GLIPR1: variants seen among roughly 807,000 people sequenced by gnomAD.
The protein encoded by GLIPR1 is GLI pathogenesis related 1.
In GLIPR1, 38 loss-of-function variants were observed where a neutral mutation model predicts 30.3. That is an observed-to-expected ratio of 1.26 (90% CI 0.97 to 1.65). GLIPR1 has a LOEUF of 1.65. GLIPR1 is among the 40% of genes most tolerant of loss of function. GLIPR1 has a pLI of 0.00. For synonymous variants in GLIPR1, 122 were observed against 110.6 expected (o/e 1.10, Z -0.65); for missense variants, 285 against 326.5 (o/e 0.87, Z 0.98).
At chr12:75,490,157 T>C (rs2046312984) in intron 2 of GLIPR1, among the ~76,000 whole-genome samples, 1 of 151,038 alleles carries the variant, frequency 6.6e-6, no homozygotes, top group African/African-American at 2.4e-5. Context: ...TGCATTACCG[T>C]TTTATTTCTT....
intron 4 of GLIPR1, chr12:75,497,188 C>A (rs2046356678): frequency 1.3e-5 from 2 of 152,242 alleles, no homozygotes; most frequent in South Asian, 4.1e-4. Context: ...AACGAAACAA[C>A]CCAGTGAAAA....
intron 2 of GLIPR1, among the ~76,000 whole-genome samples, chr12:75,489,385 C>CTA (rs939731500): frequency 6.6e-6 from 1 of 152,134 alleles, no homozygotes; most frequent in Non-Finnish European, 1.5e-5. Flanking sequence ...TTTACTTGAT[C>CTA]TATTATATTT....
chr12:75,482,093 C>G lies in GLIPR1; in HGVS notation c.420+14C>G. 1.2e-6 allele frequency: 2 copies of G among 1,606,706 alleles called. No individual in the cohort carries two copies. The highest frequency in any genetic ancestry group is 1.7e-6 in the Non-Finnish European group (2 of 1,174,752). On this transcript the variant is annotated intron_variant, in intron 2 of 5. Coordinates refer to ENST00000266659, the MANE Select transcript of GLIPR1 (RefSeq NM_006851.3). The stretch of plus-strand genomic sequence containing the variant: ...CACTACACTCAGGTAAGGATCTGCC[C>G]TATATTATCTTGAAACTGTCTTTTC...
Position 75,499,100 on chromosome 12 carries a change from C to G in GLIPR1, c.*122C>G. ...TTTCAGAAAAAAATATATGTTATAG[C>G]AATACTCTTACTCAAAAGAAGAAAT... On this transcript the variant is annotated 3_prime_UTR_variant, in exon 6 of 6. Coordinates refer to ENST00000266659, the MANE Select transcript of GLIPR1 (RefSeq NM_006851.3). 1.8e-6 allele frequency: 1 copy of G among 545,558 alleles called. No homozygotes were observed. The allele number at this position is 545,558 out of a possible 1,614,324, so 33.8% of individuals were successfully genotyped here. A position where few individuals can be genotyped will look rare whatever the true frequency, so the allele number is the denominator to read the frequency against.
rs1435192700 is a variant in GLIPR1, at chr12:75,485,565, T to TTTATTTATTTATTTATTTATTTA, written c.420+3488_420+3489insATTTATTTATTTATTTATTTATT. Among the ~76,000 whole-genome samples, 217 of 92,670 alleles carry TTTATTTATTTATTTATTTATTTA rather than the reference T, an allele frequency of 2.3e-3. 3 individuals are homozygous for TTTATTTATTTATTTATTTATTTA. Among genetic ancestry groups the TTTATTTATTTATTTATTTATTTA allele is most frequent in the East Asian group, 9.5e-3 (34 of 3,590 alleles). The allele number at this position is 92,670 out of a possible 152,430, so 60.8% of individuals were successfully genotyped here. ...TATTTATTTATTTATTTATTTATTT[T>TTTATTTATTTATTTATTTATTTA]TTTGAGACGGAGTCTCGCTCTGTCG... is the stretch of plus-strand genomic sequence containing the variant. On this transcript the variant is annotated intron_variant, in intron 2 of 5. Transcript: ENST00000266659.
chr12:75,501,867 A>AATTCAAGT lies in GLIPR1; in HGVS notation c.*2892_*2899dup. 1 of 1,581,456 alleles carries AATTCAAGT rather than the reference A, an allele frequency of 6.3e-7. No homozygotes were observed. ...CAGTTAAATGTATTTATAGTTAAAT[A>AATTCAAGT]ATTCAAGTATCTATGAACTTTGCTA... On this transcript the variant is annotated 3_prime_UTR_variant, in exon 6 of 6. Coordinates refer to ENST00000266659, the MANE Select transcript of GLIPR1 (RefSeq NM_006851.3).
At chr12:75,496,616 A>G (rs1594062319) in intron 4 of GLIPR1, 1 of 152,204 alleles carries the variant, frequency 6.6e-6, no homozygotes, top group East Asian at 1.9e-4. Context: ...TAAGCTGTGC[A>G]AAGCCTGTGG....
At chr12:75,482,506 C>A (rs117997201) in intron 2 of GLIPR1, among the ~76,000 whole-genome samples, 1 of 152,132 alleles carries the variant, frequency 6.6e-6, no homozygotes, top group South Asian at 2.1e-4. Flanking sequence ...GCTTCCACAA[C>A]CTCTCATTCT....
intron 2 of GLIPR1, among the ~76,000 whole-genome samples, chr12:75,487,343 TA>T (rs2046298027): frequency 6.6e-6 from 1 of 152,066 alleles, no homozygotes; most frequent in African/African-American, 2.4e-5. Flanking sequence ...AGAATAAAAT[TA>T]AGAAATTTTA....
At chr12:75,496,415 A>G (rs1354006688) in intron 4 of GLIPR1, 1 of 152,108 alleles carries the variant, frequency 6.6e-6, no homozygotes, top group East Asian at 1.9e-4. Flanking sequence ...GACAGCATTT[A>G]ATGAAGAAGT....
At chr12:75,481,357 C>CTTTTTTTTTTTTTTTTTTTTT (rs72137011) in intron 1 of GLIPR1, 1 of 144,302 alleles carries the variant, frequency 6.9e-6, no homozygotes, top group Non-Finnish European at 1.4e-5. Context: ...ATTTGGTTTT[C>CTTTTTTTTTTTTTTTTTTTTT]TTTTTTTTTT....
chr12:75,492,794 A>AT (rs1260364170), intron 3 of GLIPR1: 1 of 152,334 alleles, frequency 6.6e-6, no homozygotes, highest in African/African-American at 2.4e-5. Context: ...TATGAGAGTA[A>AT]TATTTATGGG....
intron 2 of GLIPR1, among the ~76,000 whole-genome samples, chr12:75,487,515 A>G (rs1375229294): frequency 4.6e-5 from 7 of 152,202 alleles, no homozygotes; most frequent in Admixed American, 4.6e-4. Context: ...GGATAAAGAA[A>G]TGTTTCTAGG....
At chr12:75,492,384 A>G (rs1354170122) in intron 3 of GLIPR1, 1 of 152,214 alleles carries the variant, frequency 6.6e-6, no homozygotes, top group African/African-American at 2.4e-5. Context: ...ACCCGGCCTC[A>G]TATGACATTT....
rs2046396255 is a variant in GLIPR1, at chr12:75,501,830, T to C, written c.*2852T>C. 6 of 1,579,364 alleles carry C rather than the reference T, an allele frequency of 3.8e-6. No homozygotes were observed. The highest frequency in any genetic ancestry group is 5.2e-6 in the Non-Finnish European group (6 of 1,158,008). ...TGCTTGTTTAGCCTACATTAATAAA[T>C]AAAAAATATATCAGTTAAATGTATT... On this transcript the variant is annotated 3_prime_UTR_variant, in exon 6 of 6. Coordinates refer to ENST00000266659, the MANE Select transcript of GLIPR1 (RefSeq NM_006851.3).
At chr12:75,494,932 A>G (rs1326698027) in intron 3 of GLIPR1, 2 of 152,258 alleles carry the variant, frequency 1.3e-5, no homozygotes, top group African/African-American at 4.8e-5. Context: ...AGATTATTTC[A>G]TTCAAGGTTG....
At chr12:75,483,974 G>A (rs1261987036) in intron 2 of GLIPR1, 1 of 145,240 alleles carries the variant, frequency 6.9e-6, no homozygotes, top group African/African-American at 2.4e-5. Flanking sequence ...GAAATCGAAA[G>A]AAGAGAACAT....
chr12:75,481,516 T>C, intron 1 of GLIPR1: 1 of 306,072 alleles, frequency 3.3e-6, no homozygotes, highest in Non-Finnish European at 6.2e-6. Context: ...AGCTGGTTTT[T>C]AACCTTTCTG....
intron 1 of GLIPR1, 104 bp from the exon 2 acceptor site, chr12:75,481,730 A>G (rs2046271745): frequency 1.0e-6 from 1 of 983,118 alleles, no homozygotes; most frequent in African/African-American, 1.6e-5. Context: ...ATGCAGTGGT[A>G]TCTTCTCTCC....
Sources: gnomAD v4.1 joint callset for allele counts (sites outside exome capture counted in the v4.1 genomes callset) on GRCh38, gnomAD v4.1.1 for gene constraint, MANE v1.5 for transcripts, NCBI Gene and HGNC (gene_info 2026-07-23, HGNC 2026-07-21) for gene names.